Variants in ASIC2 observed in about 807,000 individuals in gnomAD.
ASIC2 encodes acid sensing ion channel subunit 2.
A neutral mutation model predicts 57.3 loss-of-function variants in ASIC2; 25 were observed. That is an observed-to-expected ratio of 0.44 (90% CI 0.32 to 0.61). ASIC2 has a LOEUF of 0.61. Among genes scored for constraint, ASIC2 ranks in the 20% least tolerant of loss-of-function variants. The pLI is 0.06. For synonymous variants in ASIC2, 319 were observed against 307.5 expected, an observed-to-expected ratio of 1.04 and a Z score of -0.39; for missense variants, 641 against 738.1, an observed-to-expected ratio of 0.87 and a Z score of 1.52.
chr17:33,491,309 G>A (rs573495080), intron 1 of ASIC2, among the ~76,000 whole-genome samples: 1 of 152,278 alleles, frequency 6.6e-6, no homozygotes, highest in East Asian at 1.9e-4. Flanking sequence ...GCTCTAACAT[G>A]ATGCTGGGCA....
chr17:33,450,729 T>C (rs1365121626), intron 1 of ASIC2, among the ~76,000 whole-genome samples: 1 of 152,242 alleles, frequency 6.6e-6, no homozygotes, highest in Non-Finnish European at 1.5e-5. Context: ...TCCATGACTT[T>C]GTCTTCCTCT....
intron 1 of ASIC2, among the ~76,000 whole-genome samples, chr17:33,918,692 C>T (rs1387227425): frequency 6.6e-6 from 1 of 152,136 alleles, no homozygotes; most frequent in Non-Finnish European, 1.5e-5. Flanking sequence ...GAGGGTAGAC[C>T]TTCACTGATC....
intron 1 of ASIC2, among the ~76,000 whole-genome samples, chr17:34,076,407 C>T (rs1482959496): frequency 6.6e-6 from 1 of 152,150 alleles, no homozygotes; most frequent in Non-Finnish European, 1.5e-5. Flanking sequence ...TTCCAATCCC[C>T]TCTCCCTTCA....
Position 34,156,557 on chromosome 17 carries a change from T to G in ASIC2, c.-25A>C. The G allele has an allele frequency of 6.5e-7, 1 of 1,547,102 alleles. No homozygotes were observed. Among genetic ancestry groups the G allele is most frequent in the Non-Finnish European group, 8.7e-7 (1 of 1,144,048 alleles). On this transcript the variant is annotated 5_prime_UTR_variant, in exon 1 of 10. Transcript: ENST00000359872. The surrounding 1 kb of genome is among the most constrained non-coding windows in gnomAD (Gnocchi z 4.4). ...TCGGGACCCCGTGCAGTTCCGCAAC[T>G]GGCTTCAGGTTGATCGAATTTCAGA...
intron 1 of ASIC2, among the ~76,000 whole-genome samples, chr17:33,491,600 T>C (rs993989369): frequency 6.6e-6 from 1 of 152,178 alleles, no homozygotes; most frequent in Admixed American, 6.5e-5. Context: ...TTTCATCGAG[T>C]TGATCTAACA....
chr17:33,021,622 G>A (rs144861868), intron 6 of ASIC2, among the ~76,000 whole-genome samples: 42 of 152,322 alleles, frequency 2.8e-4, no homozygotes, highest in Non-Finnish European at 3.4e-4. Flanking sequence ...GGCCTGCCTC[G>A]TCCTCAACAT....
intron 3 of ASIC2, among the ~76,000 whole-genome samples, chr17:33,029,791 T>A (rs1394341101): frequency 6.6e-6 from 1 of 152,238 alleles, no homozygotes; most frequent in African/African-American, 2.4e-5. Flanking sequence ...CCATGCCAAA[T>A]CTGGACTTCG....
intron 1 of ASIC2, among the ~76,000 whole-genome samples, chr17:33,319,603 AT>A: frequency 6.6e-6 from 1 of 152,214 alleles, no homozygotes; most frequent in East Asian, 1.9e-4. Context: ...ATTGGGGTAA[AT>A]GGGGTATTCA....
intron 1 of ASIC2, among the ~76,000 whole-genome samples, chr17:33,889,279 T>A (rs1355236561): frequency 6.6e-6 from 1 of 152,120 alleles, no homozygotes; most frequent in African/African-American, 2.4e-5. Context: ...AGATAGGAAA[T>A]GACTTCCCTA....
At chr17:34,066,724 T>C (rs1392866122) in intron 1 of ASIC2, among the ~76,000 whole-genome samples, 1 of 152,214 alleles carries the variant, frequency 6.6e-6, no homozygotes, top group Non-Finnish European at 1.5e-5. Context: ...CCGCTCATTG[T>C]ATCCAGTGTT....
chr17:34,068,717 C>CT (rs1415319322), intron 1 of ASIC2, among the ~76,000 whole-genome samples: 1 of 152,146 alleles, frequency 6.6e-6, no homozygotes, highest in Non-Finnish European at 1.5e-5. Context: ...GACAGCAGAC[C>CT]TTTAGCGTTT....
chr17:33,964,539 C>A (rs990968120), intron 1 of ASIC2, among the ~76,000 whole-genome samples: 21 of 152,208 alleles, frequency 1.4e-4, no homozygotes, highest in African/African-American at 5.1e-4. Context: ...TGAGTGAGAA[C>A]CTCCCTTCTG....
At chr17:33,377,281 C>T (rs60894380) in intron 1 of ASIC2, among the ~76,000 whole-genome samples, 26,886 of 152,202 alleles carry the variant, frequency 0.18, 3,356 homozygotes, top group East Asian at 0.67. Context: ...AAACTCCTGA[C>T]CTCAAGGGAT....
intron 1 of ASIC2, chr17:34,039,987 G>T: frequency 1.2e-6 from 1 of 861,198 alleles, no homozygotes; most frequent in Non-Finnish European, 1.8e-6. Flanking sequence ...CGGAGCCGGG[G>T]CCTCTCCTGA....
chr17:33,971,615 G>C (rs1218763320), intron 1 of ASIC2, among the ~76,000 whole-genome samples: 1 of 152,070 alleles, frequency 6.6e-6, no homozygotes, highest in Non-Finnish European at 1.5e-5. Flanking sequence ...GATTGTGTCA[G>C]GACATGCCCA....
upstream of ASIC2, among the ~76,000 whole-genome samples, chr17:33,296,980 A>C (rs201523822): frequency 6.6e-6 from 1 of 152,238 alleles, no homozygotes; most frequent in East Asian, 1.9e-4. Context: ...GCTGTGTTTA[A>C]AGCTTCTTCC....
At chr17:34,013,461 T>C (rs1171367957) in intron 1 of ASIC2, among the ~76,000 whole-genome samples, 1 of 152,184 alleles carries the variant, frequency 6.6e-6, no homozygotes, top group Non-Finnish European at 1.5e-5. Context: ...AATAAGACCC[T>C]TGAGGAGAGA....
At chr17:33,464,475 CT>C (rs11367574) in intron 1 of ASIC2, among the ~76,000 whole-genome samples, 9,231 of 69,702 alleles carry the variant, frequency 0.13, 390 homozygotes, top group Non-Finnish European at 0.15. Flanking sequence ...TTCTTTCTTT[CT>C]TTTCTCTCTT....
intron 1 of ASIC2, among the ~76,000 whole-genome samples, chr17:33,702,697 G>C (rs1014490926): frequency 6.6e-6 from 1 of 152,190 alleles, no homozygotes; most frequent in Non-Finnish European, 1.5e-5. Flanking sequence ...CAAATGTCTT[G>C]ATAACTGCAA....
Sources: allele counts gnomAD v4.1 joint callset (sites outside exome capture counted in the v4.1 genomes callset), GRCh38; gene constraint gnomAD v4.1.1; non-coding constraint Gnocchi (gnomAD v3.1); transcripts MANE v1.5; gene names NCBI Gene and HGNC (gene_info 2026-07-23, HGNC 2026-07-21).